Variants in ADGRL2 observed in about 807,000 individuals in gnomAD.
ADGRL2 encodes adhesion G protein-coupled receptor L2, also known as calcium-independent alpha-latrotoxin receptor 2.
Under a neutral mutation model 157.4 loss-of-function variants are expected in ADGRL2, and 44 were observed. The ratio of observed to expected loss-of-function variants is 0.28; its 90% CI spans 0.22 to 0.36. The LOEUF (loss-of-function observed/expected upper bound fraction) is 0.36. ADGRL2 is among the 10% of genes least tolerant of loss of function. The pLI is 1.00. For synonymous variants in ADGRL2, 585 were observed against 624.7 expected, an observed-to-expected ratio of 0.94 and a Z score of 0.95; for missense variants, 1,510 against 1,768.9, an observed-to-expected ratio of 0.85 and a Z score of 2.63.
At chr1:81,552,452 C>T (rs1272505082) in intron 2 of ADGRL2, among the ~76,000 whole-genome samples, 1 of 152,104 alleles carries the variant, frequency 6.6e-6, no homozygotes, top group African/African-American at 2.4e-5. Flanking sequence ...TCAGGGAAAG[C>T]TGCAGCCACT....
intron 3 of ADGRL2, among the ~76,000 whole-genome samples, chr1:81,642,038 C>T (rs2082227376): frequency 6.6e-6 from 1 of 150,974 alleles, no homozygotes; most frequent in African/African-American, 2.4e-5. Flanking sequence ...TAAAAGAATA[C>T]TATGCAGCCT....
chr1:81,965,035 G>C (rs1229208518), intron 11 of ADGRL2, among the ~76,000 whole-genome samples: 1 of 152,084 alleles, frequency 6.6e-6, no homozygotes, highest in African/African-American at 2.4e-5. Context: ...TATTGTTAGT[G>C]GTTACTATTA....
Position 81,674,173 on chromosome 1 carries a change from T to A in ADGRL2, c.-142-87638T>A, listed in dbSNP as rs1415453156. ...TTTTCTTGTAAAGTTTCATGTAAAGTTTACCTTTTTTGCCTTGAAACATAA... is the reference window on the plus strand; with the variant it reads ...TTTTCTTGTAAAGTTTCATGTAAAGATTACCTTTTTTGCCTTGAAACATAA... On this transcript the variant is annotated intron_variant, in intron 3 of 24. Coordinates refer to the ADGRL2 transcript ENST00000370721. Among the ~76,000 whole-genome samples the A allele has an allele frequency of 2.0e-5, 3 of 152,300 alleles. No individual in the cohort carries two copies. In the East Asian group the frequency reaches 5.8e-4, roughly 29 times the overall value.
At position 81,874,793 on chromosome 1, in the gene ADGRL2, C is replaced by T. The variant is rs564349319; in HGVS notation, c.74-32224C>T. On this transcript the variant is annotated intron_variant, in intron 2 of 23. Transcript: ENST00000686636. The stretch of plus-strand genomic sequence containing the variant: ...CCATCTCAGCTTACTGCAACCTCTG[C>T]CTCCTGGGTTCAAGTGATTCTCCTG... Among the ~76,000 whole-genome samples the T allele has an allele frequency of 1.9e-3, 290 of 152,136 alleles. 5 individuals carry two copies. Among genetic ancestry groups the T allele is most frequent in the African/African-American group, 6.7e-3 (278 of 41,514 alleles).
At chr1:81,665,143 C>CA (rs575329267) in intron 3 of ADGRL2, among the ~76,000 whole-genome samples, 1 of 151,942 alleles carries the variant, frequency 6.6e-6, no homozygotes, top group Non-Finnish European at 1.5e-5. Flanking sequence ...ATGGCATTTT[C>CA]AAAAAAATCT....
rs566043610 is a variant in ADGRL2 at position 81,849,149 on chromosome 1, C to T, written c.73+12092C>T. ...CAGAAAGCTTGCCTTTGAGAGCTGT[C>T]ACTCCATTCTTTCAACAATGTTGTT... is the stretch of plus-strand genomic sequence containing the variant. On this transcript the variant is annotated intron_variant, in intron 2 of 23. Transcript: ENST00000686636. Among the ~76,000 whole-genome samples the T allele has an allele frequency of 3.3e-5, 5 of 151,996 alleles. No homozygotes were observed. The South Asian group carries it at 1.0e-3, about 31-fold the overall frequency.
intron 1 of ADGRL2, among the ~76,000 whole-genome samples, chr1:81,342,848 G>A (rs1300831345): frequency 6.6e-6 from 1 of 151,732 alleles, no homozygotes; most frequent in East Asian, 1.9e-4. Flanking sequence ...TTTAGATTTG[G>A]GCTCAATTCT....
intron 1 of ADGRL2, among the ~76,000 whole-genome samples, chr1:81,700,659 T>C (rs1271790929): frequency 6.6e-6 from 1 of 152,198 alleles, no homozygotes; most frequent in African/African-American, 2.4e-5. Flanking sequence ...TGCATTAGTA[T>C]TTGAGATAAT....
chr1:81,716,565 G>A (rs1243767227), intron 1 of ADGRL2, among the ~76,000 whole-genome samples: 1 of 152,042 alleles, frequency 6.6e-6, no homozygotes, highest in Non-Finnish European at 1.5e-5. Flanking sequence ...TGTGTGGCTG[G>A]CACTTTTGGA....
intron 3 of ADGRL2, among the ~76,000 whole-genome samples, chr1:81,653,970 A>C (rs2082477456): frequency 6.6e-6 from 1 of 151,940 alleles, no homozygotes; most frequent in Non-Finnish European, 1.5e-5. Flanking sequence ...ACAGAGTCTC[A>C]TTCTGTTGCC....
chr1:81,863,186 T>G (rs1161795596), intron 2 of ADGRL2, among the ~76,000 whole-genome samples: 1 of 152,166 alleles, frequency 6.6e-6, no homozygotes, highest in Non-Finnish European at 1.5e-5. Flanking sequence ...GTTCCCATGC[T>G]GCTGATCTTT....
chr1:81,548,037 C>G (rs762575479), intron 2 of ADGRL2, among the ~76,000 whole-genome samples: 2 of 152,154 alleles, frequency 1.3e-5, no homozygotes, highest in Non-Finnish European at 2.9e-5. Flanking sequence ...CAGAATGATT[C>G]ACACAGCTGG....
At chr1:81,800,845 CT>C (rs1418047754), upstream of ADGRL2, among the ~76,000 whole-genome samples, 7 of 134,774 alleles carry the variant, frequency 5.2e-5, no homozygotes, top group Non-Finnish European at 9.5e-5. Flanking sequence ...GCTCGGGGAC[CT>C]GGGGGTAGGG....
At chr1:81,764,376 T>A (rs1471231936) in intron 2 of ADGRL2, among the ~76,000 whole-genome samples, 1 of 152,102 alleles carries the variant, frequency 6.6e-6, no homozygotes, top group Non-Finnish European at 1.5e-5. Context: ...TTAGCATAAA[T>A]GTATAAATTT....
intron 2 of ADGRL2, among the ~76,000 whole-genome samples, chr1:81,524,470 T>C (rs1417138211): frequency 6.6e-6 from 1 of 152,186 alleles, no homozygotes; most frequent in Non-Finnish European, 1.5e-5. Flanking sequence ...TACACATACA[T>C]GTGAAAAACT....
At chr1:81,726,465 A>G (rs1250912555) in intron 1 of ADGRL2, among the ~76,000 whole-genome samples, 2 of 152,224 alleles carry the variant, frequency 1.3e-5, no homozygotes, top group Admixed American at 6.5e-5. Context: ...CAACTGAGGA[A>G]CTAAAATTTA....
intron 2 of ADGRL2, among the ~76,000 whole-genome samples, chr1:81,575,925 C>T (rs1255508630): frequency 6.6e-6 from 1 of 152,162 alleles, no homozygotes; most frequent in Non-Finnish European, 1.5e-5. Context: ...CATGTACCCA[C>T]TACTTCACAT....
chr1:81,824,146 T>C (rs1300812413), intron 1 of ADGRL2, among the ~76,000 whole-genome samples: 1 of 152,196 alleles, frequency 6.6e-6, no homozygotes, highest in Non-Finnish European at 1.5e-5. Context: ...TCTGAATCAT[T>C]GTATTACTTG....
intron 3 of ADGRL2, among the ~76,000 whole-genome samples, chr1:81,670,778 G>C (rs529619273): frequency 6.6e-6 from 1 of 152,334 alleles, no homozygotes; most frequent in African/African-American, 2.4e-5. Context: ...GCAATGGCAC[G>C]ATCTTGGGTC....
Sources: allele counts gnomAD v4.1 joint callset (sites outside exome capture counted in the v4.1 genomes callset), GRCh38; gene constraint gnomAD v4.1.1; transcripts MANE v1.5; gene names NCBI Gene and HGNC (gene_info 2026-07-23, HGNC 2026-07-21).